CLU: variants seen among roughly 807,000 people sequenced by gnomAD.
CLU encodes aging-associated protein 4.
A neutral mutation model predicts 46.4 loss-of-function variants in CLU; 25 were observed. The ratio of observed to expected loss-of-function variants is 0.54; its 90% CI spans 0.39 to 0.75. The LOEUF (loss-of-function observed/expected upper bound fraction) is 0.75. CLU is among the 30% of genes least tolerant of loss of function. CLU has a pLI of 0.00. For missense variants in CLU, 504 were observed against 592.1 expected (o/e 0.85, Z 1.54); for synonymous variants, 235 against 235.1 (o/e 1.00, Z 0.00).
At chr8:27,614,599 G>T (rs1295286718) in intron 1 of CLU, 56 bp downstream of exon 1, 3 of 464,776 alleles carry the variant, frequency 6.5e-6, no homozygotes, top group African/African-American at 4.1e-5. Flanking sequence ...TCCCCTGCCC[G>T]CCCATCCGTC....
In CLU at chr8:27,606,390, G is replaced by A. The variant is rs373819420; in HGVS notation, c.381C>T (p.Arg127=). The change falls in exon 4 of 9, where the codon CGC becomes CGT. Residue 127 remains arginine, a synonymous_variant. Transcript: ENST00000316403. ...LKQTCMKFYA[R]VCRSGSGLVG... ...CCAGGCCTGAGCCACTTCTGCAGAC[G>A]CGTGCGTAGAACTTCATGCAGGTCT... 3.7e-5 allele frequency: 60 copies of A among 1,614,208 alleles called. No homozygotes were observed. The highest frequency in any genetic ancestry group is 3.6e-4 in the East Asian group (16 of 44,880).
chr8:27,601,910 G>C (rs1345818581), intron 6 of CLU, among the ~76,000 whole-genome samples: 3 of 152,016 alleles, frequency 2.0e-5, no homozygotes, highest in Non-Finnish European at 4.4e-5. Context: ...GGCCAATATG[G>C]TGAAACCCTG....
At chr8:27,602,336 C>T (rs1407400391) in intron 6 of CLU, among the ~76,000 whole-genome samples, 1 of 152,096 alleles carries the variant, frequency 6.6e-6, no homozygotes, top group Non-Finnish European at 1.5e-5. Flanking sequence ...GTCAGCACTG[C>T]TCACACCTGT....
intron 3 of CLU, chr8:27,608,584 G>A (rs76050222): frequency 0.011 from 4,993 of 459,584 alleles, 232 homozygotes; most frequent in African/African-American, 0.09. Context: ...ACCCCTATTA[G>A]ATAAGCTTCC....
In CLU at chr8:27,608,957, T is replaced by C; in HGVS notation, c.227A>G (p.Glu76Gly). The change falls in exon 3 of 9, where the codon GAA becomes GGA. Residue 76 changes from glutamate to glycine, a missense_variant. Around this residue, in one of 3 missense-constraint regions of CLU, gnomAD observed 73 missense variants for 91.2 expected, o/e 0.80. Transcript: ENST00000316403. Reference protein sequence around the residue: ...ERKTLLSNLEEAKKKKEDALN... With the variant: ...ERKTLLSNLEGAKKKKEDALN... ...CCTGACCTCTTTCTTCTTCTTGGCT[T>C]CTTCTAGGTTGCTGAGCAGTGTCTT... is the stretch of plus-strand genomic sequence containing the variant. The C allele has an allele frequency of 6.2e-7, 1 of 1,614,244 alleles. No individual in the cohort carries two copies. The highest frequency in any genetic ancestry group is 8.5e-7 in the Non-Finnish European group (1 of 1,180,050).
chr8:27,598,674 G>C (rs1426433141), intron 7 of CLU, 39 bp from the exon 8 acceptor site: 1 of 1,602,410 alleles, frequency 6.2e-7, no homozygotes, highest in Admixed American at 1.7e-5. Context: ...CTGAAACACT[G>C]TGGTCAAAAT....
chr8:27,599,676 A>G lies in CLU; in HGVS notation c.1164+104T>C, dbSNP rs1220256677. 4 of 898,460 alleles carry G rather than the reference A, an allele frequency of 4.5e-6. No individual in the cohort carries two copies. The highest frequency in any genetic ancestry group is 1.7e-5 in the African/African-American group (1 of 60,246). 55.7% of individuals were successfully genotyped at this position (898,460 alleles called of 1,614,324 possible). On this transcript the variant is annotated intron_variant, in intron 7 of 8. Coordinates refer to ENST00000316403, the MANE Select transcript of CLU (RefSeq NM_001831.4). The surrounding 1 kb of genome is among the most constrained non-coding windows in gnomAD (Gnocchi z 4.0). ...GCAACAGGGGCGCCTAAAGTTTTCT[A>G]TTTTCTGCCGTGTGATAAATGCTCA... is the stretch of plus-strand genomic sequence containing the variant.
Position 27,605,206 on chromosome 8 carries a change from C to T in CLU, c.547G>A (p.Ala183Thr), listed in dbSNP as rs753592928. ...AAGAGCTCGTCTATGATGCTGGACG[C>T]GCGGCTGAAGTGGTCCTGCATGACA... ...LDVMQDHFSR[A>T]SSIIDELFQD... is the part of the protein sequence containing the mutation. Residue 183 changes from alanine (A) to threonine (T), a missense_variant, in exon 5 of 9, where the codon GCG (alanine) becomes ACG (threonine). Transcript: ENST00000316403. The T allele has an allele frequency of 5.0e-6, 8 of 1,614,074 alleles. No individual in the cohort carries two copies. Among genetic ancestry groups the T allele is most frequent in the East Asian group, 2.2e-5 (1 of 44,896 alleles).
At chr8:27,600,058 A>G (rs1483484231) in intron 6 of CLU, 49 bp from the exon 7 acceptor site, 1 of 1,398,360 alleles carries the variant, frequency 7.2e-7, no homozygotes, top group Non-Finnish European at 1.0e-6. Context: ...AGGGAAGGCT[A>G]CAAAGGGATA....
At chr8:27,608,853 A>G in intron 3 of CLU, 85 bp downstream of exon 3, 3 of 1,485,358 alleles carry the variant, frequency 2.0e-6, no homozygotes, top group Non-Finnish European at 2.8e-6. Flanking sequence ...CACCATGGCA[A>G]CCCAGCAGGG....
Position 27,611,120 on chromosome 8 carries a change from C to T in CLU, c.-29-520G>A, listed in dbSNP as rs9331889. Reference sequence around the variant, plus strand: ...ACGCTCCCCATTCACCACAGCGCTGCAGCCCCCAGGGAGTCTCAGCACCAC... The same window carrying T: ...ACGCTCCCCATTCACCACAGCGCTGTAGCCCCCAGGGAGTCTCAGCACCAC... On this transcript the variant is annotated intron_variant, in intron 1 of 8. Transcript: ENST00000316403. 1,030 of 439,732 alleles carry T rather than the reference C, an allele frequency of 2.3e-3. 7 individuals carry two copies. Among genetic ancestry groups the T allele is most frequent in the African/African-American group, 0.018 (908 of 49,936 alleles). 27.2% of individuals were successfully genotyped at this position (439,732 alleles called of 1,614,324 possible). A position where few individuals can be genotyped will look rare whatever the true frequency, so the allele number is the denominator to read the frequency against.
intron 1 of CLU, 83 bp from the exon 2 acceptor site, chr8:27,610,683 A>C (rs1800909691): frequency 3.0e-6 from 3 of 1,013,668 alleles, no homozygotes; most frequent in Non-Finnish European, 4.7e-6. Context: ...GCAGCTCCCC[A>C]GGGCCTCACT....
chr8:27,597,888 G>A lies in CLU; in HGVS notation c.*353C>T. On this transcript the variant is annotated 3_prime_UTR_variant, in exon 9 of 9. Transcript: ENST00000316403. The stretch of plus-strand genomic sequence containing the variant: ...CAGTCCCTATACCATCTTAGCCACT[G>A]CTTTTTTGTTTCTACTTATTTTCCA... 1 of 526,032 alleles carries A rather than the reference G, an allele frequency of 1.9e-6. No homozygotes were observed. The highest frequency in any genetic ancestry group is 3.6e-6 in the Non-Finnish European group (1 of 274,972). 32.6% of individuals were successfully genotyped at this position (526,032 alleles called of 1,614,324 possible).
rs1403805889 is a variant in CLU, at chr8:27,604,840, G to T, written c.829+84C>A. 7.4e-6 allele frequency: 11 copies of T among 1,479,096 alleles called. 1 individual carries two copies. Among genetic ancestry groups the T allele is most frequent in the Non-Finnish European group, 9.4e-6 (10 of 1,062,670 alleles). 91.6% of individuals were successfully genotyped at this position (1,479,096 alleles called of 1,614,324 possible). A position where few individuals can be genotyped will look rare whatever the true frequency, so the allele number is the denominator to read the frequency against. On this transcript the variant is annotated intron_variant, in intron 5 of 8. Transcript: ENST00000316403. ...CTTGTGATATTGCTGGAGAAAAATC[G>T]AGATGACACCCGCTGAGCCCTCGGC...
Position 27,597,344 on chromosome 8 carries a change from G to C in CLU, c.*897C>G, listed in dbSNP as rs952814148. Reference sequence around the variant, plus strand: ...CATGGCCACCTGCTGGCAGCGTAGGGTACTGCAGCCCAGCTATGGTTCAGA... The same window carrying C: ...CATGGCCACCTGCTGGCAGCGTAGGCTACTGCAGCCCAGCTATGGTTCAGA... On this transcript the variant is annotated 3_prime_UTR_variant, in exon 9 of 9. Transcript: ENST00000316403. 2 of 454,400 alleles carry C rather than the reference G, an allele frequency of 4.4e-6. No homozygotes were observed. Among genetic ancestry groups the C allele is most frequent in the African/African-American group, 4.0e-5 (2 of 49,984 alleles). The allele number at this position is 454,400 out of a possible 1,614,324, so 28.1% of individuals were successfully genotyped here.
chr8:27,602,851 G>T (rs9331928), intron 6 of CLU, among the ~76,000 whole-genome samples: 3 of 152,030 alleles, frequency 2.0e-5, no homozygotes, highest in African/African-American at 7.2e-5. Flanking sequence ...GATTACTTGA[G>T]GTCAGGAGTT....
At position 27,608,951 on chromosome 8, in the gene CLU, T is replaced by C. The variant is rs777178481; in HGVS notation, c.233A>G (p.Lys78Arg). ...KTLLSNLEEA[K>R]KKKEDALNET... Reference sequence around the variant, plus strand: ...GCTCCTCCTGACCTCTTTCTTCTTCTTGGCTTCTTCTAGGTTGCTGAGCAG... The same window carrying C: ...GCTCCTCCTGACCTCTTTCTTCTTCCTGGCTTCTTCTAGGTTGCTGAGCAG... Residue 78 changes from lysine to arginine, a missense_variant, in exon 3 of 9, where the codon AAG (lysine) becomes AGG (arginine). Physicochemically the swap from Lys to Arg is conservative, Grantham distance 26. This residue lies in a region of CLU where 73 missense variants were observed against 91.2 expected (regional missense o/e 0.80). Transcript: ENST00000316403. The C allele has an allele frequency of 2.5e-6, 4 of 1,614,254 alleles. No individual in the cohort carries two copies. The East Asian group carries it at 8.9e-5, about 36-fold the overall frequency.
intron 3 of CLU, 83 bp downstream of exon 3, chr8:27,608,855 C>A (rs1800869730): frequency 1.3e-6 from 2 of 1,509,246 alleles, no homozygotes; most frequent in Non-Finnish European, 1.8e-6. Flanking sequence ...CCATGGCAAC[C>A]CAGCAGGGCA....
rs747918540 is a variant in CLU, at chr8:27,597,066, G to T, written c.*1175C>A. ...GACTTTACTCTGAATTTCCTTGACA[G>T]CCATGCTAAAATACTTACCTTGGAC... On this transcript the variant is annotated 3_prime_UTR_variant, in exon 9 of 9. Transcript: ENST00000316403. 11 of 453,952 alleles carry T rather than the reference G, an allele frequency of 2.4e-5. No individual in the cohort carries two copies. Among genetic ancestry groups the T allele is most frequent in the African/African-American group, 2.2e-4 (11 of 49,974 alleles). 28.1% of individuals were successfully genotyped at this position (453,952 alleles called of 1,614,324 possible). A position where few individuals can be genotyped will look rare whatever the true frequency, so the allele number is the denominator to read the frequency against.
Sources: allele counts gnomAD v4.1 joint callset (sites outside exome capture counted in the v4.1 genomes callset), GRCh38; gene constraint gnomAD v4.1.1; regional missense constraint gnomAD v4.1.1; non-coding constraint Gnocchi (gnomAD v3.1); transcripts MANE v1.5; gene names NCBI Gene and HGNC (gene_info 2026-07-23, HGNC 2026-07-21).